The following CTNNA1 variants were observed in gnomAD, a reference collection of about 807,000 sequenced individuals.
CTNNA1 encodes the protein catenin alpha 1.
A neutral mutation model predicts 98.4 loss-of-function variants in CTNNA1; 37 were observed. The observed-to-expected ratio is 0.38, with a 90% CI of 0.29 to 0.49. CTNNA1 has a LOEUF of 0.49. CTNNA1 is among the 20% of genes least tolerant of loss of function. CTNNA1 has a pLI of 0.95. For missense variants in CTNNA1, 761 were observed against 1,147.2 expected (o/e 0.66, Z 4.86); for synonymous variants, 404 against 413.2 (o/e 0.98, Z 0.27).
chr5:138,816,021 C>G (rs1413880832), intron 5 of CTNNA1, among the ~76,000 whole-genome samples: 1 of 152,174 alleles, frequency 6.6e-6, no homozygotes, highest in African/African-American at 2.4e-5. Flanking sequence ...TTTATTCCTC[C>G]TATTTAACTG....
In CTNNA1 at chr5:138,887,483, T is replaced by C. The variant is rs948252023; in HGVS notation, c.1144-7T>C. On this transcript the variant is annotated splice_region_variant and splice_polypyrimidine_tract_variant and intron_variant, in intron 8 of 17. Coordinates refer to ENST00000302763, the MANE Select transcript of CTNNA1 (RefSeq NM_001903.5). The stretch of plus-strand genomic sequence containing the variant: ...ATAAAATCAAATTTTTACAATTTAA[T>C]CATTAGCTCCGCAAAGCTGTCATGG... 6.3e-7 allele frequency: 1 copy of C among 1,579,822 alleles called. No individual in the cohort carries two copies. The highest frequency in any genetic ancestry group is 8.6e-7 in the Non-Finnish European group (1 of 1,166,324).
intron 1 of CTNNA1, among the ~76,000 whole-genome samples, chr5:138,771,587 A>G (rs527732780): frequency 2.0e-5 from 3 of 151,946 alleles, no homozygotes; most frequent in African/African-American, 4.8e-5. Context: ...CGAGGCCTCT[A>G]TGTTGCCCAG....
intron 5 of CTNNA1, among the ~76,000 whole-genome samples, chr5:138,824,304 G>A (rs992907729): frequency 6.6e-6 from 1 of 152,120 alleles, no homozygotes; most frequent in Admixed American, 6.5e-5. Context: ...AAGTAGAAGT[G>A]GGTGTGGGGT....
chr5:138,901,572 G>A lies in CTNNA1; in HGVS notation c.1297-2777G>A, dbSNP rs147689101. Among the ~76,000 whole-genome samples the A allele has an allele frequency of 4.9e-3, 753 of 152,152 alleles. 4 individuals are homozygous for A. The highest frequency in any genetic ancestry group is 0.017 in the African/African-American group (719 of 41,484). ...TCCAATTAGCTGGGACTATAGGTGC[G>A]TGCCACCACACCCAGCCAATGAAAA... On this transcript the variant is annotated intron_variant, in intron 9 of 17. Coordinates refer to ENST00000302763, the MANE Select transcript of CTNNA1 (RefSeq NM_001903.5).
intron 7 of CTNNA1, chr5:138,875,006 A>G (rs531893171): frequency 5.0e-5 from 64 of 1,287,210 alleles, no homozygotes; most frequent in Non-Finnish European, 7.0e-5. Context: ...GCCTTTGACC[A>G]GTTTCCTGTT....
chr5:138,860,200 A>ATT (rs1341938442), intron 7 of CTNNA1, among the ~76,000 whole-genome samples: 1 of 152,216 alleles, frequency 6.6e-6, no homozygotes. Flanking sequence ...CTGGAAATAT[A>ATT]TTTGTTTAAT....
At chr5:138,857,957 A>G (rs77780549) in intron 7 of CTNNA1, among the ~76,000 whole-genome samples, 2 of 152,176 alleles carry the variant, frequency 1.3e-5, no homozygotes, top group African/African-American at 2.4e-5. Context: ...CCACCCACAT[A>G]TGAATCCACT....
intron 9 of CTNNA1, among the ~76,000 whole-genome samples, chr5:138,896,870 C>T (rs1463341728): frequency 3.3e-5 from 5 of 152,132 alleles, no homozygotes; most frequent in Non-Finnish European, 2.9e-5. Flanking sequence ...TTGTCAATAA[C>T]GCAGTACCCA....
intron 7 of CTNNA1, among the ~76,000 whole-genome samples, chr5:138,863,813 T>G (rs902051780): frequency 5.9e-5 from 9 of 152,178 alleles, no homozygotes; most frequent in Admixed American, 2.6e-4. Flanking sequence ...AAAGATGGTT[T>G]GGTAAGCAGG....
At chr5:138,764,331 A>T (rs899747052) in intron 1 of CTNNA1, among the ~76,000 whole-genome samples, 2 of 151,986 alleles carry the variant, frequency 1.3e-5, no homozygotes, top group African/African-American at 4.8e-5. Context: ...GTGCCATTGC[A>T]CTCCAGCCTG....
Position 138,911,364 on chromosome 5 carries a change from G to T in CTNNA1, c.1390-6378G>T, listed in dbSNP as rs192870673. 6.4e-4 allele frequency among the ~76,000 whole-genome samples: 97 copies of T among 152,252 alleles called. 1 individual carries two copies. The Middle Eastern group carries it at 0.017, about 27-fold the overall frequency. Reference sequence around the variant, plus strand: ...TCAATTTCCTAATTCCCTAAGCCCAGGAATGTATCACCTCACATGGCAAAG... The same window carrying T: ...TCAATTTCCTAATTCCCTAAGCCCATGAATGTATCACCTCACATGGCAAAG... On this transcript the variant is annotated intron_variant, in intron 10 of 17. Transcript: ENST00000302763.
At chr5:138,827,352 C>A (rs1330683128) in intron 6 of CTNNA1, among the ~76,000 whole-genome samples, 163 bp from the exon 7 acceptor site, 1 of 152,092 alleles carries the variant, frequency 6.6e-6, no homozygotes, top group African/African-American at 2.4e-5. Context: ...CAACAGTAGG[C>A]CATCTTCTGT....
intron 7 of CTNNA1, among the ~76,000 whole-genome samples, chr5:138,845,160 C>G (rs993846998): frequency 3.3e-5 from 5 of 152,110 alleles, no homozygotes; most frequent in African/African-American, 9.7e-5. Flanking sequence ...CAACTTTCTT[C>G]TAGGGTGGAT....
At chr5:138,932,451 T>G in intron 16 of CTNNA1, 127 bp from the exon 17 acceptor site, 1 of 1,469,380 alleles carries the variant, frequency 6.8e-7, no homozygotes, top group Non-Finnish European at 9.0e-7. Flanking sequence ...GGTAATTGGG[T>G]GATTTTGCTC....
At chr5:138,831,906 G>A (rs548852566) in intron 7 of CTNNA1, among the ~76,000 whole-genome samples, 27 of 152,268 alleles carry the variant, frequency 1.8e-4, no homozygotes, top group African/African-American at 6.3e-4. Flanking sequence ...TTTTCATGGT[G>A]CTAAGGAGGT....
chr5:138,815,700 A>T (rs1406700872), intron 5 of CTNNA1, among the ~76,000 whole-genome samples: 1 of 152,036 alleles, frequency 6.6e-6, no homozygotes, highest in East Asian at 1.9e-4. Context: ...TTTTTCTGCC[A>T]GAATTTTGAA....
In CTNNA1 at chr5:138,783,303, A is replaced by G. The variant is rs1580984484; in HGVS notation, c.232A>G (p.Lys78Glu). 6.2e-7 allele frequency: 1 copy of G among 1,614,120 alleles called. No individual in the cohort carries two copies. The highest frequency in any genetic ancestry group is 8.5e-7 in the Non-Finnish European group (1 of 1,179,956). ...TGAGAATTTCTTGGAGAAGGGGGAT[A>G]AAATTGCGAAGGAGAGCCAGTTTCT... ...ATENFLEKGD[K>E]IAKESQFLKE... is the part of the protein sequence containing the mutation. Residue 78 changes from lysine to glutamate, a missense_variant, in exon 3 of 18, where the codon AAA becomes GAA. Around this residue, in one of 6 missense-constraint regions of CTNNA1, gnomAD observed 328 missense variants for 354.3 expected, o/e 0.93. Transcript: ENST00000302763.
intron 7 of CTNNA1, among the ~76,000 whole-genome samples, chr5:138,838,023 C>T (rs1761954433): frequency 6.6e-6 from 1 of 152,180 alleles, no homozygotes; most frequent in Admixed American, 6.5e-5. Flanking sequence ...TCAATCAGCT[C>T]CCCAGTAGCT....
intron 7 of CTNNA1, among the ~76,000 whole-genome samples, chr5:138,884,216 A>T (rs886775141): frequency 5.3e-5 from 8 of 152,208 alleles, no homozygotes; most frequent in African/African-American, 1.9e-4. Context: ...GTGGATTCAA[A>T]GATTTCCTGA....
Sources: allele counts gnomAD v4.1 joint callset (sites outside exome capture counted in the v4.1 genomes callset), GRCh38; gene constraint gnomAD v4.1.1; regional missense constraint gnomAD v4.1.1; transcripts MANE v1.5; gene names NCBI Gene and HGNC (gene_info 2026-07-23, HGNC 2026-07-21).